The following SEM1 variants were observed in gnomAD, a reference collection of about 807,000 sequenced individuals.
The protein encoded by SEM1 is 26S proteasome complex subunit SEM1.
In SEM1, 3 loss-of-function variants were observed where a neutral mutation model predicts 12.7. The ratio of observed to expected loss-of-function variants is 0.24; its 90% CI spans 0.11 to 0.61. The LOEUF (loss-of-function observed/expected upper bound fraction) is 0.61. Among genes scored for constraint, SEM1 ranks in the 20% least tolerant of loss-of-function variants. The pLI is 0.88. For synonymous variants in SEM1, 30 were observed against 27.8 expected, an observed-to-expected ratio of 1.08 and a Z score of -0.25; for missense variants, 59 against 81.3, an observed-to-expected ratio of 0.73 and a Z score of 1.06.
At chr7:96,658,395 T>A (rs1809254026) in intron 2 of SEM1, among the ~76,000 whole-genome samples, 1 of 152,222 alleles carries the variant, frequency 6.6e-6, no homozygotes, top group African/African-American at 2.4e-5. Context: ...GAAAAAAGGC[T>A]GAACATCCCT....
Position 96,645,644 on chromosome 7 carries a change from A to T in SEM1, c.171-23001T>A, listed in dbSNP as rs896807706. On this transcript the variant is annotated intron_variant, in intron 2 of 2. Transcript: ENST00000417009. ...GAGTGGGCACACTCTTGAGAGCTTA[A>T]GTTTATATACCATACACAGTAGTTT... 2.3e-5 allele frequency: 9 copies of T among 396,824 alleles called. No homozygotes were observed. The South Asian group carries it at 5.7e-4, about 25-fold the overall frequency. 24.6% of individuals were successfully genotyped at this position (396,824 alleles called of 1,614,324 possible). A position where few individuals can be genotyped will look rare whatever the true frequency, so the allele number is the denominator to read the frequency against.
intron 2 of SEM1, among the ~76,000 whole-genome samples, chr7:96,509,369 G>T (rs893538163): frequency 3.3e-5 from 5 of 151,762 alleles, no homozygotes; most frequent in African/African-American, 1.2e-4. Flanking sequence ...CATTTACATC[G>T]CTTAGATTTT....
intron 2 of SEM1, among the ~76,000 whole-genome samples, chr7:96,589,808 C>T (rs1806770711): frequency 6.6e-6 from 1 of 152,178 alleles, no homozygotes. Flanking sequence ...TCAAACTGAG[C>T]TAATTTTAAT....
At chr7:96,703,972 AACACAC>A (rs67174798) in intron 1 of SEM1, among the ~76,000 whole-genome samples, 14,800 of 142,108 alleles carry the variant, frequency 0.1, 748 homozygotes, top group East Asian at 0.15. Context: ...GTCTCTTAAA[AACACAC>A]ACACACACAC....
chr7:96,526,241 G>A (rs1804460880), intron 2 of SEM1, among the ~76,000 whole-genome samples: 2 of 151,582 alleles, frequency 1.3e-5, no homozygotes, highest in South Asian at 4.2e-4. Context: ...TGATAAAACA[G>A]TTCTCTGGGC....
chr7:96,683,300 T>C (rs1167226040), intron 2 of SEM1, among the ~76,000 whole-genome samples: 1 of 152,070 alleles, frequency 6.6e-6, no homozygotes, highest in African/African-American at 2.4e-5. Context: ...TCATCACTAG[T>C]CATTAGAGAA....
chr7:96,489,620 C>T (rs1802922340), intron 1 of SEM1, among the ~76,000 whole-genome samples: 1 of 152,162 alleles, frequency 6.6e-6, no homozygotes, highest in Non-Finnish European at 1.5e-5. Flanking sequence ...AACTGAGTGG[C>T]TTAAAACAAC....
intron 2 of SEM1, among the ~76,000 whole-genome samples, chr7:96,605,330 A>C (rs1164470832): frequency 2.0e-5 from 3 of 152,200 alleles, no homozygotes; most frequent in Non-Finnish European, 4.4e-5. Flanking sequence ...TTTCCCCAAA[A>C]TAAATATTTC....
In SEM1 at chr7:96,483,737, G is replaced by T; in HGVS notation, c.*122C>A. The T allele has an allele frequency of 2.3e-6, 3 of 1,288,890 alleles. No individual in the cohort carries two copies. The East Asian group carries it at 7.6e-5, about 32-fold the overall frequency. The allele number at this position is 1,288,890 out of a possible 1,614,324, so 79.8% of individuals were successfully genotyped here. ...CCCACCCAGCCACACAGAAAGCTAGGAAGTATAGTTCTACCATGTGCCTTG... is the reference window on the plus strand; with the variant it reads ...CCCACCCAGCCACACAGAAAGCTAGTAAGTATAGTTCTACCATGTGCCTTG... On this transcript the variant is annotated 3_prime_UTR_variant, in exon 4 of 4. Coordinates refer to the SEM1 transcript ENST00000356686.
intron 1 of SEM1, among the ~76,000 whole-genome samples, chr7:96,699,070 C>T (rs1309226368): frequency 6.6e-6 from 1 of 152,088 alleles, no homozygotes; most frequent in Non-Finnish European, 1.5e-5. Flanking sequence ...CATCTTGGTA[C>T]CCTCATTCTG....
intron 2 of SEM1, among the ~76,000 whole-genome samples, chr7:96,521,363 A>G (rs555260743): frequency 6.6e-6 from 1 of 152,218 alleles, no homozygotes; most frequent in South Asian, 2.1e-4. Context: ...CAAGGTCATC[A>G]TTCCCCAGCA....
At chr7:96,573,218 T>C (rs908965943) in intron 2 of SEM1, among the ~76,000 whole-genome samples, 9 of 151,970 alleles carry the variant, frequency 5.9e-5, no homozygotes, top group African/African-American at 1.9e-4. Flanking sequence ...TATAGCACAC[T>C]GATGGGTCTC....
intron 2 of SEM1, among the ~76,000 whole-genome samples, chr7:96,664,830 C>A (rs1269551414): frequency 6.6e-6 from 1 of 152,108 alleles, no homozygotes; most frequent in Non-Finnish European, 1.5e-5. Flanking sequence ...TGAATAAATT[C>A]TGGTATGTTT....
chr7:96,499,309 A>G (rs1803421297), upstream of SEM1, among the ~76,000 whole-genome samples: 1 of 152,206 alleles, frequency 6.6e-6, no homozygotes, highest in African/African-American at 2.4e-5. Flanking sequence ...TAGAAAGTCC[A>G]CTTGAGTGAC....
At chr7:96,482,316 C>T (rs1487368997) in exon 4 of SEM1, 2 of 152,184 alleles carry the variant, frequency 1.3e-5, no homozygotes, top group African/African-American at 4.8e-5. Context: ...GTGATAAAGG[C>T]ATCTGTGTGC....
At chr7:96,616,414 GTTGT>G (rs1277060776) in intron 2 of SEM1, among the ~76,000 whole-genome samples, 10 of 151,608 alleles carry the variant, frequency 6.6e-5, no homozygotes, top group Non-Finnish European at 1.0e-4. Flanking sequence ...TTTTTGATGA[GTTGT>G]TTGAGTTCCT....
Position 96,532,318 on chromosome 7 carries a change from A to C in SEM1, c.171-25620T>G, listed in dbSNP as rs1259963474. Among the ~76,000 whole-genome samples the C allele has an allele frequency of 2.0e-5, 3 of 152,178 alleles. No homozygotes were observed. In the East Asian group the frequency reaches 5.8e-4, roughly 29 times the overall value. On this transcript the variant is annotated intron_variant and NMD_transcript_variant, in intron 2 of 3. Coordinates refer to the SEM1 transcript ENST00000466986. ...AAAAAGACACAGAAAAGTTTGAAAA[A>C]AAAACCCTCTGATTCCACCTCACAG...
chr7:96,694,840 C>G lies in SEM1; in HGVS notation c.128G>C (p.Trp43Ser). The change falls in exon 2 of 3, where the codon TGG becomes TCG. Residue 43 changes from tryptophan to serine, a missense_variant. Trp to Ser is a radical substitution (Grantham distance 177, BLOSUM62 -3). Coordinates refer to ENST00000248566, the MANE Select transcript of SEM1 (RefSeq NM_006304.2). ...DEDAHVWEDN[W>S]DDDNVEDDFS... is the part of the protein sequence containing the mutation. ...GTCATCCTCTACATTGTCATCATCC[C>G]AATTATCCTCCCAGACATGTGCATC... 2 of 1,611,520 alleles carry G rather than the reference C, an allele frequency of 1.2e-6. No individual in the cohort carries two copies. The highest frequency in any genetic ancestry group is 1.7e-6 in the Non-Finnish European group (2 of 1,178,126).
chr7:96,679,626 T>A (rs1789545572), intron 2 of SEM1, among the ~76,000 whole-genome samples: 1 of 152,120 alleles, frequency 6.6e-6, no homozygotes, highest in Non-Finnish European at 1.5e-5. Flanking sequence ...TAGTCATTAG[T>A]GATCTGATTG....
Sources: gnomAD v4.1 joint callset for allele counts (sites outside exome capture counted in the v4.1 genomes callset) on GRCh38, gnomAD v4.1.1 for gene constraint, MANE v1.5 for transcripts, NCBI Gene and HGNC (gene_info 2026-07-23, HGNC 2026-07-21) for gene names.